PGBD5: variants seen among roughly 807,000 people sequenced by gnomAD.
PGBD5 encodes piggyBac transposable element-derived protein 5.
A neutral mutation model predicts 47.9 loss-of-function variants in PGBD5; 14 were observed. That is an observed-to-expected ratio of 0.29 (90% CI 0.19 to 0.46). PGBD5 has a LOEUF of 0.46. Among genes scored for constraint, PGBD5 ranks in the 20% least tolerant of loss-of-function variants. The pLI, the probability that PGBD5 is intolerant of heterozygous loss-of-function variation, is 1.00. For synonymous variants in PGBD5, 316 were observed against 306.3 expected, an observed-to-expected ratio of 1.03 and a Z score of -0.33; for missense variants, 635 against 716.0, an observed-to-expected ratio of 0.89 and a Z score of 1.29.
chr1:230,367,066 G>A (rs1214967108), intron 1 of PGBD5, among the ~76,000 whole-genome samples: 3 of 152,162 alleles, frequency 2.0e-5, no homozygotes, highest in African/African-American at 7.2e-5. Context: ...AGATGGGAGG[G>A]ACCACCCAGG....
At chr1:230,423,372 C>CA (rs1657702389) in intron 1 of PGBD5, among the ~76,000 whole-genome samples, 1 of 152,210 alleles carries the variant, frequency 6.6e-6, no homozygotes. Flanking sequence ...ATCCAGGCTG[C>CA]ATTCTTTGCA....
In PGBD5 at chr1:230,425,954, G is replaced by C. The variant is rs1571869868; in HGVS notation, c.-26C>G. 2 of 961,596 alleles carry C rather than the reference G, an allele frequency of 2.1e-6. No individual in the cohort carries two copies. The highest frequency in any genetic ancestry group is 2.5e-6 in the Non-Finnish European group (2 of 811,990). The allele number at this position is 961,596 out of a possible 1,614,324, so 59.6% of individuals were successfully genotyped here. On this transcript the variant is annotated 5_prime_UTR_variant, in exon 1 of 7. Coordinates refer to ENST00000391860, the MANE Select transcript of PGBD5 (RefSeq NM_001258311.2). This position sits in a 1 kb window ranked among gnomAD's most constrained non-coding sequence, Gnocchi z 4.7. ...GGCCCCGGCCGCCGCCCGCGCGCCC[G>C]CCCCCACAGTGCCTCCCAGCCGCAC...
At chr1:230,327,748 A>G (rs758054829) in intron 5 of PGBD5, among the ~76,000 whole-genome samples, 3 of 152,222 alleles carry the variant, frequency 2.0e-5, no homozygotes, top group African/African-American at 7.2e-5. Flanking sequence ...GCGGGCCTGC[A>G]GTGCCCAAGG....
intron 1 of PGBD5, among the ~76,000 whole-genome samples, chr1:230,408,066 A>G (rs1277993054): frequency 6.6e-6 from 1 of 152,186 alleles, no homozygotes; most frequent in African/African-American, 2.4e-5. Flanking sequence ...TTGTAGCCCA[A>G]ATTGCCTTGC....
chr1:230,342,619 T>A (rs559428373), intron 3 of PGBD5, among the ~76,000 whole-genome samples: 1 of 152,022 alleles, frequency 6.6e-6, no homozygotes, highest in African/African-American at 2.4e-5. Flanking sequence ...GCAGGGAGGG[T>A]GAGTGCCAGG....
intron 1 of PGBD5, among the ~76,000 whole-genome samples, chr1:230,419,198 GCACA>G (rs1255095044): frequency 8.1e-6 from 1 of 123,608 alleles, no homozygotes; most frequent in Non-Finnish European, 1.7e-5. Flanking sequence ...AAAATATGGT[GCACA>G]TACACCATGG....
intron 1 of PGBD5, chr1:230,367,906 G>A (rs1466598447): frequency 1.5e-6 from 2 of 1,330,006 alleles, no homozygotes; most frequent in South Asian, 1.2e-5. Context: ...GGTGAATGCA[G>A]AGGCTCGGGG....
chr1:230,334,991 C>T (rs975556186), intron 4 of PGBD5, among the ~76,000 whole-genome samples: 1 of 146,414 alleles, frequency 6.8e-6, no homozygotes, highest in African/African-American at 2.5e-5. Flanking sequence ...CCCACTCCAC[C>T]TACCTTATCT....
chr1:230,368,537 C>T (rs374466111), intron 1 of PGBD5, among the ~76,000 whole-genome samples: 5 of 152,334 alleles, frequency 3.3e-5, no homozygotes, highest in African/African-American at 7.2e-5. Context: ...GCGCCTCTTG[C>T]GGAGTGAGTG....
At chr1:230,339,865 T>C (rs1032798930) in intron 3 of PGBD5, among the ~76,000 whole-genome samples, 1 of 152,010 alleles carries the variant, frequency 6.6e-6, no homozygotes, top group African/African-American at 2.4e-5. Flanking sequence ...TGGGGAGGTA[T>C]TGGTCAAAGA....
intron 1 of PGBD5, among the ~76,000 whole-genome samples, chr1:230,404,980 T>G (rs1272845463): frequency 6.7e-6 from 1 of 149,978 alleles, no homozygotes; most frequent in East Asian, 2.0e-4. Flanking sequence ...CTATCAAGTT[T>G]TTTTTTTTTT....
At chr1:230,333,847 G>A (rs916860850) in intron 4 of PGBD5, among the ~76,000 whole-genome samples, 4 of 152,146 alleles carry the variant, frequency 2.6e-5, no homozygotes, top group Non-Finnish European at 4.4e-5. Context: ...CACCCACCGC[G>A]GACTTGCTCA....
chr1:230,319,812 C>T lies in PGBD5; in HGVS notation c.*3613G>A, dbSNP rs1667009082. 1 of 150,770 alleles carries T rather than the reference C, an allele frequency of 6.6e-6. No individual in the cohort carries two copies. The allele number at this position is 150,770 out of a possible 1,614,324, so 9.3% of individuals were successfully genotyped here. On this transcript the variant is annotated 3_prime_UTR_variant, in exon 7 of 7. Transcript: ENST00000391860. The stretch of plus-strand genomic sequence containing the variant: ...TGAAAGATGTCCCTAGTATAATGTC[C>T]CATGGACCACGGGAAGACGTTGTTC...
At chr1:230,325,289 T>A in intron 6 of PGBD5, 21 bp downstream of exon 6, 3 of 1,571,022 alleles carry the variant, frequency 1.9e-6, no homozygotes, top group Non-Finnish European at 2.6e-6. Flanking sequence ...CCTTCTGTCA[T>A]GGAGGTGCCC....
intron 3 of PGBD5, among the ~76,000 whole-genome samples, chr1:230,339,130 T>C (rs1667371646): frequency 6.6e-6 from 1 of 152,230 alleles, no homozygotes; most frequent in African/African-American, 2.4e-5. Context: ...CAGGCACTTC[T>C]ATGCATCTGA....
chr1:230,375,859 C>T (rs1015156768), intron 1 of PGBD5, among the ~76,000 whole-genome samples: 1 of 151,806 alleles, frequency 6.6e-6, no homozygotes, highest in African/African-American at 2.4e-5. Flanking sequence ...CCCTCCCACA[C>T]CAGCTAGAGC....
chr1:230,385,165 C>T (rs1656604573), intron 1 of PGBD5, among the ~76,000 whole-genome samples: 1 of 152,044 alleles, frequency 6.6e-6, no homozygotes. Context: ...TTTAGGATTT[C>T]AGTGTAGATC....
chr1:230,355,050 C>A (rs1022305111), intron 2 of PGBD5, among the ~76,000 whole-genome samples: 1 of 152,192 alleles, frequency 6.6e-6, no homozygotes, highest in East Asian at 1.9e-4. Flanking sequence ...CTGCAAGCCT[C>A]ATCACCTGGA....
intron 1 of PGBD5, among the ~76,000 whole-genome samples, chr1:230,406,595 A>T (rs1429365579): frequency 6.6e-6 from 1 of 152,172 alleles, no homozygotes; most frequent in Non-Finnish European, 1.5e-5. Context: ...AGAACAACAG[A>T]GTTTAGATTA....
Sources: gnomAD v4.1 joint callset for allele counts (sites outside exome capture counted in the v4.1 genomes callset) on GRCh38, gnomAD v4.1.1 for gene constraint, Gnocchi (gnomAD v3.1) non-coding constraint, MANE v1.5 for transcripts, NCBI Gene and HGNC (gene_info 2026-07-23, HGNC 2026-07-21) for gene names.